The following ADAMTS19 variants were observed in gnomAD, a reference collection of about 807,000 sequenced individuals.
ADAMTS19 encodes A disintegrin and metalloproteinase with thrombospondin motifs 19.
Under a neutral mutation model 153.3 loss-of-function variants are expected in ADAMTS19, and 93 were observed. The observed-to-expected ratio is 0.61, with a 90% confidence interval of 0.51 to 0.72. The LOEUF (loss-of-function observed/expected upper bound fraction) is 0.72. ADAMTS19 is among the 30% of genes least tolerant of loss of function. ADAMTS19 has a pLI of 0.00. For missense variants in ADAMTS19, 1,482 were observed against 1,552.1 expected (o/e 0.95, Z 0.76); for synonymous variants, 600 against 556.6 (o/e 1.08, Z -1.10).
chr5:129,680,018 TCACA>T, intron 17 of ADAMTS19, 97 bp downstream of exon 17: 2 of 1,266,036 alleles, frequency 1.6e-6, no homozygotes, highest in Non-Finnish European at 2.1e-6. Flanking sequence ...ATTTGAATTG[TCACA>T]CAGACATTTA....
chr5:129,539,364 A>G (rs933323951), intron 6 of ADAMTS19, among the ~76,000 whole-genome samples: 1 of 152,094 alleles, frequency 6.6e-6, no homozygotes, highest in Non-Finnish European at 1.5e-5. Context: ...GTCAAAAGCC[A>G]AAGAATGCCA....
Position 129,622,330 on chromosome 5 carries a change from T to A in ADAMTS19, c.1752T>A (p.Ser584=). The A allele has an allele frequency of 6.2e-7, 1 of 1,614,056 alleles. No individual in the cohort carries two copies. The highest frequency in any genetic ancestry group is 8.5e-7 in the Non-Finnish European group (1 of 1,179,966). The part of the protein sequence containing the change: ...QCQILFGPLA[S]FCQEMQHVIC... ...AGATCCTTTTTGGGCCATTGGCTTC[T>A]TTTTGTCAGGAGATGCAGGTAAAGA... Residue 584 remains serine, a synonymous_variant, in exon 10 of 23, where the codon TCT becomes TCA. Coordinates refer to ENST00000274487, the MANE Select transcript of ADAMTS19 (RefSeq NM_133638.6).
At chr5:129,467,343 T>C (rs565697972) in intron 2 of ADAMTS19, among the ~76,000 whole-genome samples, 1 of 152,332 alleles carries the variant, frequency 6.6e-6, no homozygotes, top group African/African-American at 2.4e-5. Flanking sequence ...CCAGTGGTTC[T>C]AATTGAATTG....
At chr5:129,602,826 C>CTCTCTG (rs143456636) in intron 8 of ADAMTS19, among the ~76,000 whole-genome samples, 2 of 146,618 alleles carry the variant, frequency 1.4e-5, no homozygotes, top group African/African-American at 5.0e-5. Flanking sequence ...CTTATATTCT[C>CTCTCTG]TGTGTGTGTG....
intron 7 of ADAMTS19, among the ~76,000 whole-genome samples, chr5:129,570,014 A>T (rs918388736): frequency 2.6e-5 from 4 of 152,000 alleles, no homozygotes; most frequent in African/African-American, 9.7e-5. Flanking sequence ...ATTTCTTCGG[A>T]TAATTCTCCT....
At chr5:129,596,483 T>C in intron 7 of ADAMTS19, 76 bp from the exon 8 acceptor site, 5 of 1,000,778 alleles carry the variant, frequency 5.0e-6, no homozygotes, top group Non-Finnish European at 5.9e-6. Flanking sequence ...GCCATTTTCA[T>C]TCCTGCTGCT....
chr5:129,486,070 C>T (rs1174200320), intron 2 of ADAMTS19, among the ~76,000 whole-genome samples: 6 of 152,162 alleles, frequency 3.9e-5, no homozygotes, highest in Admixed American at 2.0e-4. Flanking sequence ...GGATTACAGA[C>T]GTAAGCCACC....
At chr5:129,612,551 A>G (rs1751283919) in intron 8 of ADAMTS19, among the ~76,000 whole-genome samples, 1 of 152,224 alleles carries the variant, frequency 6.6e-6, no homozygotes, top group African/African-American at 2.4e-5. Flanking sequence ...CTAAACATGG[A>G]AAGGAACAGC....
At chr5:129,579,888 C>A (rs1368252067) in intron 7 of ADAMTS19, among the ~76,000 whole-genome samples, 1 of 152,088 alleles carries the variant, frequency 6.6e-6, no homozygotes, top group South Asian at 2.1e-4. Flanking sequence ...CAGCTTTGTT[C>A]TTTTTGCTTA....
intron 7 of ADAMTS19, among the ~76,000 whole-genome samples, chr5:129,556,870 C>CA: frequency 6.6e-6 from 1 of 152,216 alleles, no homozygotes; most frequent in Non-Finnish European, 1.5e-5. Flanking sequence ...ACAGCCTTTT[C>CA]AACACTTGAT....
At chr5:129,585,096 G>A (rs115183846) in intron 7 of ADAMTS19, among the ~76,000 whole-genome samples, 3,891 of 152,012 alleles carry the variant, frequency 0.026, 57 homozygotes, top group East Asian at 0.054. Flanking sequence ...ATTTGGGGCC[G>A]GAATGCACCC....
intron 21 of ADAMTS19, among the ~76,000 whole-genome samples, chr5:129,708,069 A>G (rs1182285442): frequency 7.2e-5 from 11 of 152,178 alleles, no homozygotes; most frequent in Non-Finnish European, 1.6e-4. Flanking sequence ...TTTATATCAT[A>G]TATATTTTGG....
At chr5:129,507,311 C>T (rs1314614758) in intron 2 of ADAMTS19, among the ~76,000 whole-genome samples, 4 of 151,960 alleles carry the variant, frequency 2.6e-5, no homozygotes, top group Non-Finnish European at 5.9e-5. Flanking sequence ...TAGCCTAGAT[C>T]AATAATGTGT....
intron 21 of ADAMTS19, among the ~76,000 whole-genome samples, chr5:129,730,567 A>G (rs1371499438): frequency 6.6e-6 from 1 of 152,152 alleles, no homozygotes; most frequent in Non-Finnish European, 1.5e-5. Flanking sequence ...TACATAATTT[A>G]CCACATAAGT....
chr5:129,721,638 T>G (rs1757009615), intron 21 of ADAMTS19, among the ~76,000 whole-genome samples: 1 of 152,172 alleles, frequency 6.6e-6, no homozygotes, highest in South Asian at 2.1e-4. Context: ...GTGCAGAACA[T>G]GCAGGTTTGT....
intron 3 of ADAMTS19, among the ~76,000 whole-genome samples, chr5:129,524,109 G>C (rs1751919798): frequency 1.3e-5 from 2 of 151,984 alleles, no homozygotes; most frequent in Admixed American, 1.3e-4. Flanking sequence ...TACCAAAACA[G>C]GTATATAGAC....
intron 14 of ADAMTS19, among the ~76,000 whole-genome samples, chr5:129,656,327 A>G (rs950585410): frequency 6.6e-6 from 1 of 152,226 alleles, no homozygotes; most frequent in Non-Finnish European, 1.5e-5. Context: ...GTAAAATTGA[A>G]AACATGCCTC....
chr5:129,628,474 T>C (rs1752153033), intron 10 of ADAMTS19, among the ~76,000 whole-genome samples: 1 of 152,010 alleles, frequency 6.6e-6, no homozygotes, highest in South Asian at 2.1e-4. Flanking sequence ...AAAAAAAATT[T>C]TTAAAGCTGA....
intron 6 of ADAMTS19, among the ~76,000 whole-genome samples, chr5:129,532,660 T>G (rs1752252804): frequency 6.6e-6 from 1 of 152,168 alleles, no homozygotes; most frequent in Admixed American, 6.6e-5. Context: ...CTTTCATAAT[T>G]TTTTTTCATA....
Sources: allele counts gnomAD v4.1 joint callset (sites outside exome capture counted in the v4.1 genomes callset), GRCh38; gene constraint gnomAD v4.1.1; transcripts MANE v1.5; gene names NCBI Gene and HGNC (gene_info 2026-07-23, HGNC 2026-07-21).